TCF7L2: variants seen among roughly 807,000 people sequenced by gnomAD.
TCF7L2 encodes transcription factor 7-like 2.
Under a neutral mutation model 77.9 loss-of-function variants are expected in TCF7L2, and 23 were observed. The ratio of observed to expected loss-of-function variants is 0.30; its 90% CI spans 0.21 to 0.42. The LOEUF is 0.42. TCF7L2 is among the 10% of genes least tolerant of loss of function. The pLI, the probability that TCF7L2 is intolerant of heterozygous loss-of-function variation, is 1.00. For synonymous variants in TCF7L2, 413 were observed against 340.2 expected (o/e 1.21, Z -2.36); for missense variants, 654 against 793.1 (o/e 0.82, Z 2.11).
At chr10:113,014,258 T>G (rs1265569541) in intron 4 of TCF7L2, among the ~76,000 whole-genome samples, 1 of 152,148 alleles carries the variant, frequency 6.6e-6, no homozygotes, top group Non-Finnish European at 1.5e-5. Context: ...ACCCAGTAAC[T>G]ATAAAGCCCC....
At chr10:113,126,637 T>A (rs2065658639) in intron 5 of TCF7L2, 1 of 985,196 alleles carries the variant, frequency 1.0e-6, no homozygotes, top group Admixed American at 6.1e-5. Flanking sequence ...CCAGTTATTG[T>A]GCTCTTCCCT....
chr10:113,074,953 GC>G (rs1436448354), intron 5 of TCF7L2, among the ~76,000 whole-genome samples: 1 of 152,188 alleles, frequency 6.6e-6, no homozygotes, highest in Non-Finnish European at 1.5e-5. Context: ...GAGAAGCTCA[GC>G]TTTAATGTGT....
chr10:112,951,200 T>C lies in TCF7L2; in HGVS notation c.190-7T>C, dbSNP rs1589562561. 1.3e-6 allele frequency: 2 copies of C among 1,570,658 alleles called. No individual in the cohort carries two copies. Among genetic ancestry groups the C allele is most frequent in the Non-Finnish European group, 1.7e-6 (2 of 1,163,450 alleles). ...CTCGCCCTCCCCACCTCCACCCCTC[T>C]GGGAAGGCGGAAAGACGGCCTCCGC... On this transcript the variant is annotated splice_region_variant and splice_polypyrimidine_tract_variant and intron_variant, in intron 1 of 13. Coordinates refer to ENST00000627217, the MANE Select transcript of TCF7L2 (RefSeq NM_001146274.2).
intron 4 of TCF7L2, among the ~76,000 whole-genome samples, chr10:112,979,888 A>T (rs561582698): frequency 6.6e-6 from 1 of 152,372 alleles, no homozygotes; most frequent in South Asian, 2.1e-4. Context: ...GAGAAAATTT[A>T]AATTAGCATC....
At chr10:112,966,994 G>T (rs1010342314) in intron 4 of TCF7L2, among the ~76,000 whole-genome samples, 7 of 152,152 alleles carry the variant, frequency 4.6e-5, no homozygotes, top group African/African-American at 1.7e-4. Flanking sequence ...CCCGCACAAG[G>T]CCAAGCTAAA....
intron 4 of TCF7L2, among the ~76,000 whole-genome samples, chr10:112,980,978 T>G (rs1297559757): frequency 6.6e-6 from 1 of 152,190 alleles, no homozygotes; most frequent in Admixed American, 6.5e-5. Flanking sequence ...TCCTGTTAAT[T>G]AAAAAGAGAA....
intron 5 of TCF7L2, chr10:113,089,471 C>T: frequency 6.2e-7 from 1 of 1,613,870 alleles, no homozygotes. Flanking sequence ...TCACTGTCAG[C>T]ACTCAAGTCT....
At chr10:112,963,449 G>A (rs1287384150) in intron 3 of TCF7L2, among the ~76,000 whole-genome samples, 1 of 152,168 alleles carries the variant, frequency 6.6e-6, no homozygotes, top group Non-Finnish European at 1.5e-5. Context: ...AGTAGTAACG[G>A]TAGTTTATTA....
chr10:112,980,691 G>C (rs1375257679), intron 4 of TCF7L2, among the ~76,000 whole-genome samples: 2 of 151,390 alleles, frequency 1.3e-5, no homozygotes, highest in Admixed American at 1.3e-4. Context: ...GCAGTGGCAC[G>C]ATCTTGGCTC....
At chr10:113,053,035 A>G (rs1366542626) in intron 5 of TCF7L2, among the ~76,000 whole-genome samples, 1 of 152,188 alleles carries the variant, frequency 6.6e-6, no homozygotes, top group Non-Finnish European at 1.5e-5. Context: ...CATCTGCTAC[A>G]CTGTGAGTTC....
At chr10:113,057,988 G>A (rs551159147) in intron 5 of TCF7L2, among the ~76,000 whole-genome samples, 37 of 152,328 alleles carry the variant, frequency 2.4e-4, no homozygotes, top group Admixed American at 5.9e-4. Context: ...AGTGGGAGGT[G>A]TTGGAGCTGT....
At chr10:112,952,809 C>T (rs1442524512) in intron 3 of TCF7L2, among the ~76,000 whole-genome samples, 2 of 151,974 alleles carry the variant, frequency 1.3e-5, no homozygotes, top group Admixed American at 6.5e-5. Context: ...TTTGTTAATA[C>T]GGCTCATCCC....
chr10:113,084,011 C>A (rs2059577441), intron 5 of TCF7L2, among the ~76,000 whole-genome samples: 1 of 152,146 alleles, frequency 6.6e-6, no homozygotes, highest in Admixed American at 6.5e-5. Context: ...GAGATGATTT[C>A]TAAGACTCAT....
At chr10:112,984,892 T>A (rs1334838213) in intron 4 of TCF7L2, among the ~76,000 whole-genome samples, 1 of 152,190 alleles carries the variant, frequency 6.6e-6, no homozygotes, top group Non-Finnish European at 1.5e-5. Context: ...TTAAGCATTT[T>A]TGTTGTGATA....
intron 5 of TCF7L2, among the ~76,000 whole-genome samples, chr10:113,133,713 C>T (rs141789993): frequency 5.9e-5 from 9 of 152,184 alleles, no homozygotes; most frequent in South Asian, 4.1e-4. Context: ...AACTATGAGT[C>T]GGCAAAATTT....
intron 4 of TCF7L2, among the ~76,000 whole-genome samples, chr10:112,992,383 C>A (rs1205569856): frequency 6.6e-6 from 1 of 152,164 alleles, no homozygotes; most frequent in Non-Finnish European, 1.5e-5. Flanking sequence ...CGGGAGACAC[C>A]CAGACCCGAC....
chr10:112,989,951 T>C (rs1034409296), intron 4 of TCF7L2, among the ~76,000 whole-genome samples: 9 of 152,190 alleles, frequency 5.9e-5, no homozygotes, highest in African/African-American at 1.2e-4. Context: ...CTTTCTTCTC[T>C]TCCCCCTCCT....
intron 13 of TCF7L2, chr10:113,161,317 C>A (rs2137495258): frequency 1.9e-6 from 1 of 513,582 alleles, no homozygotes; most frequent in Non-Finnish European, 3.5e-6. Flanking sequence ...TCTCAGACTG[C>A]AGCGTCCCTA....
intron 5 of TCF7L2, among the ~76,000 whole-genome samples, chr10:113,140,453 C>G (rs2068149518): frequency 6.6e-6 from 1 of 152,090 alleles, no homozygotes; most frequent in South Asian, 2.1e-4. Flanking sequence ...TTTTATTAGC[C>G]CAATTCGTCA....
Sources: gnomAD v4.1 joint callset for allele counts (sites outside exome capture counted in the v4.1 genomes callset) on GRCh38, gnomAD v4.1.1 for gene constraint, MANE v1.5 for transcripts, NCBI Gene and HGNC (gene_info 2026-07-23, HGNC 2026-07-21) for gene names.